LRBA: variants seen among roughly 807,000 people sequenced by gnomAD.
The protein encoded by LRBA is LPS responsive beige-like anchor protein, also known as lipopolysaccharide-responsive and beige-like anchor protein.
Under a neutral mutation model 330.0 loss-of-function variants are expected in LRBA, and 176 were observed. That is an observed-to-expected ratio of 0.53 (90% confidence interval 0.47 to 0.60). The LOEUF (loss-of-function observed/expected upper bound fraction) is 0.60, where lower values mean the gene tolerates loss of function less well. Among genes scored for constraint, LRBA ranks in the 20% least tolerant of loss-of-function variants. The probability of loss-of-function intolerance (pLI) is 0.00; values close to 1 mark genes in which losing one functional copy is unlikely to be tolerated. For missense variants in LRBA, 3,259 were observed against 3,444.8 expected (o/e 0.95, Z 1.35); for synonymous variants, 1,230 against 1,193.0 (o/e 1.03, Z -0.64).
intron 53 of LRBA, 66 bp from the exon 54 acceptor site, chr4:150,286,100 C>T (rs1748101495): frequency 9.0e-7 from 1 of 1,116,134 alleles, no homozygotes; most frequent in Non-Finnish European, 1.3e-6. Flanking sequence ...TAATCAACAA[C>T]TTGCTCCTAA....
intron 44 of LRBA, among the ~76,000 whole-genome samples, chr4:150,462,409 T>G (rs944390738): frequency 6.6e-5 from 10 of 151,838 alleles, no homozygotes; most frequent in Admixed American, 6.6e-4. Context: ...TCAATGTACT[T>G]ATGATACTAA....
At chr4:150,925,984 T>G (rs1733842574) in intron 4 of LRBA, among the ~76,000 whole-genome samples, 1 of 152,028 alleles carries the variant, frequency 6.6e-6, no homozygotes, top group South Asian at 2.1e-4. Context: ...GAAAACAAAA[T>G]GACTTAAACC....
intron 2 of LRBA, among the ~76,000 whole-genome samples, chr4:151,000,305 G>T (rs1330528459): frequency 6.6e-6 from 1 of 152,198 alleles, no homozygotes; most frequent in African/African-American, 2.4e-5. Context: ...GAGCATCTGT[G>T]TAATTCACAA....
intron 35 of LRBA, among the ~76,000 whole-genome samples, chr4:150,736,592 C>CA (rs1411042486): frequency 1.3e-5 from 2 of 151,844 alleles, no homozygotes; most frequent in Admixed American, 1.3e-4. Flanking sequence ...AAATAAATAA[C>CA]AGACATATAG....
chr4:150,825,584 G>C (rs1036065173), intron 30 of LRBA, among the ~76,000 whole-genome samples: 1 of 152,122 alleles, frequency 6.6e-6, no homozygotes, highest in Admixed American at 6.6e-5. Context: ...GGCCGGGCTG[G>C]TCTTGAACTG....
At chr4:150,581,717 TCTC>T (rs1340630427) in intron 40 of LRBA, 2 of 152,686 alleles carry the variant, frequency 1.3e-5, no homozygotes, top group Non-Finnish European at 1.5e-5. Context: ...ACTCCCATTA[TCTC>T]CTCCTATTTT....
At chr4:150,450,514 T>C (rs1255707562) in intron 44 of LRBA, among the ~76,000 whole-genome samples, 2 of 152,200 alleles carry the variant, frequency 1.3e-5, no homozygotes, top group Admixed American at 1.3e-4. Flanking sequence ...TCTCCCTGTA[T>C]GTCTGTCTTT....
chr4:150,755,246 C>A (rs572787511), intron 35 of LRBA, among the ~76,000 whole-genome samples: 2 of 152,134 alleles, frequency 1.3e-5, no homozygotes, highest in Non-Finnish European at 2.9e-5. Context: ...TATTAATACT[C>A]GAAGCATTAT....
chr4:150,938,387 G>A (rs1735324535), intron 2 of LRBA, among the ~76,000 whole-genome samples: 1 of 152,130 alleles, frequency 6.6e-6, no homozygotes, highest in East Asian at 1.9e-4. Flanking sequence ...TACTAATAAG[G>A]AGAAGTTGAG....
At chr4:150,932,653 C>A (rs780363123) in intron 2 of LRBA, among the ~76,000 whole-genome samples, 4 of 152,110 alleles carry the variant, frequency 2.6e-5, no homozygotes, top group Non-Finnish European at 5.9e-5. Flanking sequence ...CGTTGGCGCA[C>A]ACCTGTAATC....
At chr4:150,817,499 T>C (rs1002275043) in intron 30 of LRBA, among the ~76,000 whole-genome samples, 6 of 152,026 alleles carry the variant, frequency 3.9e-5, no homozygotes, top group Admixed American at 2.6e-4. Flanking sequence ...ATTTACCACA[T>C]AGTATTTTTA....
intron 17 of LRBA, among the ~76,000 whole-genome samples, chr4:150,887,687 T>C (rs1188115154): frequency 7.0e-6 from 1 of 142,238 alleles, no homozygotes; most frequent in African/African-American, 2.6e-5. Context: ...GAGAATGGCA[T>C]GAACCCAGGA....
chr4:150,486,626 T>C (rs1199009202), intron 42 of LRBA, among the ~76,000 whole-genome samples: 1 of 151,906 alleles, frequency 6.6e-6, no homozygotes, highest in Non-Finnish European at 1.5e-5. Flanking sequence ...AGCAAATTAA[T>C]ATATCCATTA....
intron 2 of LRBA, among the ~76,000 whole-genome samples, chr4:150,953,217 C>T (rs1329333580): frequency 6.6e-6 from 1 of 152,120 alleles, no homozygotes; most frequent in Non-Finnish European, 1.5e-5. Context: ...AGAAGATCAA[C>T]ATGAAAAACA....
intron 40 of LRBA, among the ~76,000 whole-genome samples, chr4:150,566,492 G>A (rs544347038): frequency 6.6e-6 from 1 of 152,082 alleles, no homozygotes; most frequent in South Asian, 2.1e-4. Context: ...AATAAAGACT[G>A]ATTTCAAAAT....
At chr4:150,898,179 A>G (rs1730321353) in intron 14 of LRBA, among the ~76,000 whole-genome samples, 1 of 152,120 alleles carries the variant, frequency 6.6e-6, no homozygotes, top group Admixed American at 6.5e-5. Context: ...GAAGTTTACA[A>G]AGAAAAAAAC....
chr4:150,934,894 G>A (rs930933947), intron 2 of LRBA, among the ~76,000 whole-genome samples: 1 of 151,998 alleles, frequency 6.6e-6, no homozygotes, highest in Non-Finnish European at 1.5e-5. Context: ...TGTAATCCCA[G>A]CTACTCGGGA....
intron 44 of LRBA, among the ~76,000 whole-genome samples, chr4:150,466,964 G>A (rs1051722748): frequency 3.3e-5 from 5 of 151,986 alleles, no homozygotes; most frequent in African/African-American, 4.8e-5. Flanking sequence ...GGTCCCACCC[G>A]GGCTCCTCAA....
chr4:150,291,294 A>G (rs1438808881), intron 53 of LRBA, among the ~76,000 whole-genome samples: 1 of 115,944 alleles, frequency 8.6e-6, no homozygotes, highest in Non-Finnish European at 1.8e-5. Context: ...CAACCTACAA[A>G]ATGGGAGAAA....
Sources: gnomAD v4.1 joint callset for allele counts (sites outside exome capture counted in the v4.1 genomes callset) on GRCh38, gnomAD v4.1.1 for gene constraint, MANE v1.5 for transcripts, NCBI Gene and HGNC (gene_info 2026-07-23, HGNC 2026-07-21) for gene names.